Variants in NCK2 observed in about 807,000 individuals in gnomAD.
NCK2 encodes NCK adaptor protein 2, also known as cytoplasmic protein NCK2.
In NCK2, 16 loss-of-function variants were observed where a neutral mutation model predicts 33.9. The ratio of observed to expected loss-of-function variants is 0.47; its 90% CI spans 0.32 to 0.72. NCK2 has a LOEUF of 0.72. Among genes scored for constraint, NCK2 ranks in the 30% least tolerant of loss-of-function variants. NCK2 has a pLI of 0.03. For missense variants in NCK2, 418 were observed against 537.3 expected (o/e 0.78, Z 2.19); for synonymous variants, 273 against 239.9 (o/e 1.14, Z -1.27).
rs181369989 is a variant in NCK2 at position 105,839,008 on chromosome 2, G to C, written c.-16-16040G>C. Among the ~76,000 whole-genome samples the C allele has an allele frequency of 2.6e-5, 4 of 152,280 alleles. No individual in the cohort carries two copies. In the East Asian group the frequency reaches 5.8e-4, roughly 22 times the overall value. On this transcript the variant is annotated intron_variant, in intron 2 of 4. Coordinates refer to ENST00000233154, the MANE Select transcript of NCK2 (RefSeq NM_003581.5). ...GCGGCAGCTATTTTATATGAGGTGG[G>C]GCAGGTTTGGCTTGGCAGAGAATTG...
Position 105,831,724 on chromosome 2 carries a change from G to T in NCK2, c.-17+15111G>T, listed in dbSNP as rs1007699811. On this transcript the variant is annotated intron_variant, in intron 2 of 4. Coordinates refer to ENST00000233154, the MANE Select transcript of NCK2 (RefSeq NM_003581.5). ...CTGTGAATACATGGATTTATTTCTG[G>T]GTTCTCTATTCTGTTCCCTTTGTCG... 2.0e-5 allele frequency among the ~76,000 whole-genome samples: 3 copies of T among 151,942 alleles called. 1 individual carries two copies. In the South Asian group the frequency reaches 6.2e-4, roughly 32 times the overall value.
intron 3 of NCK2, among the ~76,000 whole-genome samples, chr2:105,880,936 ATTTTTTTTTTTTTTT>A (rs59005322): frequency 2.0e-4 from 21 of 103,558 alleles, no homozygotes; most frequent in South Asian, 1.0e-3. Flanking sequence ...CAGGTGGCTA[ATTTTTTTTTTTTTTT>A]TTTTTTTTTT....
At chr2:105,823,027 C>G (rs1675803423) in intron 2 of NCK2, among the ~76,000 whole-genome samples, 1 of 151,920 alleles carries the variant, frequency 6.6e-6, no homozygotes, top group Non-Finnish European at 1.5e-5. Context: ...ACAGGCCACA[C>G]AGAGCTTGAA....
At chr2:105,864,374 C>G (rs1289884387) in intron 3 of NCK2, among the ~76,000 whole-genome samples, 1 of 152,056 alleles carries the variant, frequency 6.6e-6, no homozygotes, top group Non-Finnish European at 1.5e-5. Flanking sequence ...ACCCCTAGGA[C>G]TCTGTTGACT....
intron 1 of NCK2, among the ~76,000 whole-genome samples, chr2:105,807,747 T>TCCCTCCCTCCCTCCTC (rs1295109810): frequency 4.1e-5 from 1 of 24,398 alleles, no homozygotes. Flanking sequence ...CCTTCCTTCC[T>TCCCTCCCTCCCTCCTC]TCCCTCCCTC....
intron 1 of NCK2, among the ~76,000 whole-genome samples, chr2:105,786,473 C>T (rs528317632): frequency 1.3e-5 from 2 of 152,300 alleles, no homozygotes; most frequent in Admixed American, 6.5e-5. Context: ...TGGCCCTGGC[C>T]GCTGCTGGGA....
chr2:105,892,770 C>T (rs1679040026), intron 4 of NCK2, among the ~76,000 whole-genome samples: 1 of 150,540 alleles, frequency 6.6e-6, no homozygotes, highest in Non-Finnish European at 1.5e-5. Context: ...CGCTTGAACC[C>T]GTGAGGCGGA....
chr2:105,782,710 T>G (rs771607077), intron 1 of NCK2, among the ~76,000 whole-genome samples: 3 of 152,194 alleles, frequency 2.0e-5, no homozygotes, highest in Non-Finnish European at 4.4e-5. Context: ...TTGAAATCAT[T>G]TGGCAAAATG....
intron 2 of NCK2, among the ~76,000 whole-genome samples, chr2:105,849,622 C>T (rs1479178960): frequency 6.6e-6 from 1 of 152,178 alleles, no homozygotes; most frequent in Non-Finnish European, 1.5e-5. Flanking sequence ...GTGCTAAATG[C>T]TCTAATGCTC....
intron 1 of NCK2, among the ~76,000 whole-genome samples, chr2:105,748,059 C>T (rs1689345414): frequency 1.3e-5 from 2 of 152,172 alleles, no homozygotes; most frequent in African/African-American, 4.8e-5. Flanking sequence ...GACACACATC[C>T]ACATGTGTAC....
intron 1 of NCK2, among the ~76,000 whole-genome samples, chr2:105,783,709 G>GT (rs530125435): frequency 5.5e-4 from 82 of 150,138 alleles, no homozygotes; most frequent in Non-Finnish European, 7.4e-4. Context: ...TTCAGATTAT[G>GT]TTTTTTTTTC....
intron 4 of NCK2, among the ~76,000 whole-genome samples, chr2:105,885,922 T>C (rs1678705033): frequency 6.6e-6 from 1 of 152,186 alleles, no homozygotes; most frequent in African/African-American, 2.4e-5. Context: ...GTTTGTTTGT[T>C]TTTTACTGTT....
Position 105,882,011 on chromosome 2 carries a change from G to A in NCK2, c.910G>A (p.Val304Met), listed in dbSNP as rs767975664. 4 of 1,506,220 alleles carry A rather than the reference G, an allele frequency of 2.7e-6. No individual in the cohort carries two copies. The highest frequency in any genetic ancestry group is 3.5e-6 in the Non-Finnish European group (4 of 1,126,908). The allele number at this position is 1,506,220 out of a possible 1,614,324, so 93.3% of individuals were successfully genotyped here. The stretch of plus-strand genomic sequence containing the variant: ...CGAGTGCGCCCTCAACGAGCGGGGC[G>A]TGGAGGGCGACTTCCTCATTAGGGA... ...QAECALNERGVEGDFLIRDSE... is the reference protein window; with the variant it reads ...QAECALNERGMEGDFLIRDSE... The change falls in exon 4 of 5, where the codon GTG (valine) becomes ATG (methionine). Residue 304 changes from valine (V) to methionine (M), a missense_variant. Val to Met is a conservative substitution (Grantham distance 21). Coordinates refer to ENST00000233154, the MANE Select transcript of NCK2 (RefSeq NM_003581.5).
chr2:105,791,147 C>T (rs186714456), intron 1 of NCK2, among the ~76,000 whole-genome samples: 5 of 152,310 alleles, frequency 3.3e-5, no homozygotes, highest in Admixed American at 6.5e-5. Context: ...CCACTCTGCA[C>T]CCTCATTTTC....
intron 3 of NCK2, among the ~76,000 whole-genome samples, chr2:105,867,523 C>T (rs1195612156): frequency 1.3e-5 from 2 of 152,034 alleles, no homozygotes; most frequent in Admixed American, 6.6e-5. Context: ...GAGGATACTT[C>T]GAGAGAAAAT....
intron 1 of NCK2, among the ~76,000 whole-genome samples, chr2:105,802,213 C>T (rs561427327): frequency 3.3e-4 from 51 of 152,284 alleles, no homozygotes; most frequent in Admixed American, 1.3e-3. Flanking sequence ...TGAAGTGGAA[C>T]GGGAAGATGT....
intron 1 of NCK2, among the ~76,000 whole-genome samples, chr2:105,754,605 A>G (rs1384345539): frequency 2.0e-5 from 3 of 151,484 alleles, no homozygotes; most frequent in Non-Finnish European, 4.4e-5. Flanking sequence ...AAAAGCTTGT[A>G]TTCCTGTTTG....
intron 1 of NCK2, among the ~76,000 whole-genome samples, chr2:105,784,868 A>C (rs1384859019): frequency 1.3e-5 from 2 of 152,196 alleles, no homozygotes; most frequent in African/African-American, 4.8e-5. Context: ...ACACGAGTAA[A>C]GTTAGGAACA....
At chr2:105,783,502 CT>C (rs1690570229) in intron 1 of NCK2, among the ~76,000 whole-genome samples, 1 of 152,146 alleles carries the variant, frequency 6.6e-6, no homozygotes, top group Non-Finnish European at 1.5e-5. Flanking sequence ...TCTTCACCTG[CT>C]TGTGGGAAGC....
Sources: gnomAD v4.1 joint callset for allele counts (sites outside exome capture counted in the v4.1 genomes callset) on GRCh38, gnomAD v4.1.1 for gene constraint, MANE v1.5 for transcripts, NCBI Gene and HGNC (gene_info 2026-07-23, HGNC 2026-07-21) for gene names.